PROM2: variants seen among roughly 807,000 people sequenced by gnomAD.
The protein encoded by PROM2 is prominin-2.
Under a neutral mutation model 110.2 loss-of-function variants are expected in PROM2, and 90 were observed. That is an observed-to-expected ratio of 0.82 (90% CI 0.69 to 0.97). PROM2 has a LOEUF of 0.97. Ranked by LOEUF, PROM2 falls within the 50% of genes least tolerant of loss-of-function variation. PROM2 has a pLI of 0.00. For synonymous variants in PROM2, 470 were observed against 467.8 expected (o/e 1.00, Z -0.06); for missense variants, 1,009 against 1,074.8 (o/e 0.94, Z 0.86).
Position 95,288,260 on chromosome 2 carries a change from A to G in PROM2, c.2294A>G (p.Asn765Ser). The G allele has an allele frequency of 6.2e-7, 1 of 1,614,066 alleles. No individual in the cohort carries two copies. Among genetic ancestry groups the G allele is most frequent in the Non-Finnish European group, 8.5e-7 (1 of 1,180,016 alleles). Residue 765 changes from asparagine to serine, a missense_variant, in exon 21 of 24, where the codon AAC (asparagine) becomes AGC (serine). Physicochemically the swap from Asn to Ser is conservative, Grantham distance 46. Coordinates refer to ENST00000317620, the MANE Select transcript of PROM2 (RefSeq NM_001165978.3). ...CAGCCCCTCTCCGGAGCCCTGGACA[A>G]CAGCCGTGTGATCCTGTGTGACATG... is the stretch of plus-strand genomic sequence containing the variant. ...TCQPLSGALD[N>S]SRVILCDMMA...
chr2:95,277,441 G>C lies in PROM2; in HGVS notation c.850G>C (p.Glu284Gln). Residue 284 changes from glutamate to glutamine, a missense_variant, in exon 7 of 24, where the codon GAG becomes CAG. Glu to Gln is a conservative substitution (Grantham distance 29, BLOSUM62 2). Coordinates refer to ENST00000317620, the MANE Select transcript of PROM2 (RefSeq NM_001165978.3). Reference sequence around the variant, plus strand: ...GCTGCAGGCCGGGCAGCAGGACCTGGAGCCAGCCATCCGGGAACACCGGGA... The same window carrying C: ...GCTGCAGGCCGGGCAGCAGGACCTGCAGCCAGCCATCCGGGAACACCGGGA... ...VELQAGQQDLEPAIREHRDRL... is the reference protein window; with the variant it reads ...VELQAGQQDLQPAIREHRDRL... The C allele has an allele frequency of 6.2e-7, 1 of 1,613,290 alleles. No individual in the cohort carries two copies. Among genetic ancestry groups the C allele is most frequent in the Non-Finnish European group, 8.5e-7 (1 of 1,179,920 alleles).
At chr2:95,281,421 A>G in intron 12 of PROM2, 56 bp downstream of exon 12, 2 of 1,209,968 alleles carry the variant, frequency 1.7e-6, no homozygotes, top group Non-Finnish European at 2.2e-6. Flanking sequence ...GGGCGGTATC[A>G]GCAGAGCAGG....
At chr2:95,286,032 T>G (rs1236515740) in intron 16 of PROM2, among the ~76,000 whole-genome samples, 7 of 152,250 alleles carry the variant, frequency 4.6e-5, no homozygotes, top group Non-Finnish European at 1.5e-5. Flanking sequence ...CAGGTGTTTC[T>G]GTGTGTGCCA....
rs138515767 is a variant in PROM2, at chr2:95,278,770, C to A, written c.1100C>A (p.Ser367Tyr). ...ALPALAAMQT[S>Y]SVVQELKKAV... ...CCAGCCCTGGCTGCCATGCAGACAT[C>A]CAGCGTGGTGCAAGGTTAGGCCACA... Residue 367 changes from serine (S) to tyrosine (Y), a missense_variant, in exon 9 of 24, where the codon TCC becomes TAC. Physicochemically the swap from Ser to Tyr is moderately radical, Grantham distance 144. Coordinates refer to ENST00000317620, the MANE Select transcript of PROM2 (RefSeq NM_001165978.3). 3.7e-6 allele frequency: 6 copies of A among 1,613,928 alleles called. No homozygotes were observed. Among genetic ancestry groups the A allele is most frequent in the African/African-American group, 1.3e-5 (1 of 74,922 alleles).
chr2:95,286,624 A>G, intron 17 of PROM2, 53 bp downstream of exon 17: 1 of 1,512,790 alleles, frequency 6.6e-7, no homozygotes, highest in Non-Finnish European at 9.2e-7. Context: ...AGACGTGGAG[A>G]GGGGACAGTG....
chr2:95,276,620 C>T lies in PROM2; in HGVS notation c.645C>T (p.Phe215=). ...PQELQAVAQQ[F]SLPQEQVSEE... ...AGCTGCAGGCCGTGGCACAGCAATT[C>T]TCCCTGCCCCAGGAGCAAGTCTCAG... is the stretch of plus-strand genomic sequence containing the variant. Residue 215 remains phenylalanine, a synonymous_variant, in exon 5 of 24, where the codon TTC becomes TTT. Coordinates refer to ENST00000317620, the MANE Select transcript of PROM2 (RefSeq NM_001165978.3). The surrounding 1 kb of genome is among the most constrained non-coding windows in gnomAD (Gnocchi z 4.6). 1.2e-6 allele frequency: 2 copies of T among 1,613,526 alleles called. No homozygotes were observed. Among genetic ancestry groups the T allele is most frequent in the Non-Finnish European group, 1.7e-6 (2 of 1,179,996 alleles).
In PROM2 at chr2:95,281,303, C is replaced by T. The variant is rs1677026562; in HGVS notation, c.1489C>T (p.Leu497=). The T allele has an allele frequency of 6.2e-7, 1 of 1,613,342 alleles. No individual in the cohort carries two copies. Among genetic ancestry groups the T allele is most frequent in the South Asian group, 1.1e-5 (1 of 91,062 alleles). ...PLILLVFATF[L]VGGNVQTLVC... ...CATCCTCCTGGTGTTCGCCACCTTC[C>T]TGGTGGGTGGCAACGTGCAGACGCT... The change falls in exon 12 of 24, where the codon CTG becomes TTG. Residue 497 remains leucine (L), a synonymous_variant. Transcript: ENST00000317620.
At position 95,275,801 on chromosome 2, in the gene PROM2, G is replaced by A; in HGVS notation, c.295-129G>A. 6.7e-7 allele frequency: 1 copy of A among 1,503,514 alleles called. No individual in the cohort carries two copies. Among genetic ancestry groups the A allele is most frequent in the Non-Finnish European group, 8.9e-7 (1 of 1,129,714 alleles). 93.1% of individuals were successfully genotyped at this position (1,503,514 alleles called of 1,614,324 possible). ...TAAGAATGCGGTCACCTCTGGGACG[G>A]GTTCCATGAGATGCAGGCCATGCCC... On this transcript the variant is annotated intron_variant, in intron 2 of 23. Transcript: ENST00000317620. This position sits in a 1 kb window ranked among gnomAD's most constrained non-coding sequence, Gnocchi z 4.4.
chr2:95,287,658 C>T (rs1297956775), intron 20 of PROM2, among the ~76,000 whole-genome samples, 194 bp downstream of exon 20: 1 of 152,194 alleles, frequency 6.6e-6, no homozygotes, highest in Non-Finnish European at 1.5e-5. Context: ...TCTGCTGCAG[C>T]GCTTCCCTGA....
chr2:95,284,237 G>C (rs1381404299), intron 14 of PROM2, among the ~76,000 whole-genome samples: 1 of 152,222 alleles, frequency 6.6e-6, no homozygotes, highest in African/African-American at 2.4e-5. Context: ...GCTCATGCCT[G>C]TAATCCCAGT....
At chr2:95,287,319 G>A in intron 19 of PROM2, 77 bp from the exon 20 acceptor site, 1 of 1,533,334 alleles carries the variant, frequency 6.5e-7, no homozygotes, top group Admixed American at 1.7e-5. Context: ...AAGTTGCCAG[G>A]CATGGGGGGT....
chr2:95,276,951 A>T lies in PROM2; in HGVS notation c.683-21A>T, dbSNP rs1486533922. On this transcript the variant is annotated intron_variant, in intron 5 of 23. Transcript: ENST00000317620. The surrounding 1 kb of genome is among the most constrained non-coding windows in gnomAD (Gnocchi z 4.6). ...CTCCACTCTTGGGGTCCCACCCTGC[A>T]GACTGCCCTGTGCTCTGCAGGTGTT... is the stretch of plus-strand genomic sequence containing the variant. The T allele has an allele frequency of 1.3e-6, 2 of 1,550,928 alleles. No homozygotes were observed. Among genetic ancestry groups the T allele is most frequent in the East Asian group, 4.9e-5 (2 of 40,914 alleles).
chr2:95,285,858 A>G, intron 16 of PROM2, 148 bp downstream of exon 16: 1 of 711,682 alleles, frequency 1.4e-6, no homozygotes, highest in Admixed American at 2.7e-5. Flanking sequence ...GCTGGGCTGG[A>G]GGGTTTTGCA....
intron 18 of PROM2, 35 bp from the exon 19 acceptor site, chr2:95,287,098 G>A: frequency 6.4e-7 from 1 of 1,574,024 alleles, no homozygotes; most frequent in Non-Finnish European, 8.7e-7. Flanking sequence ...ATGCGTGAAT[G>A]TGGGACACTG....
Position 95,276,998 on chromosome 2 carries a change from A to G in PROM2, c.709A>G (p.Ile237Val), listed in dbSNP as rs753205315. Residue 237 changes from isoleucine to valine, a missense_variant, in exon 6 of 24, where the codon ATC (isoleucine) becomes GTC (valine). Physicochemically the swap from Ile to Val is conservative, Grantham distance 29 (BLOSUM62 3). Transcript: ENST00000317620. This position sits in a 1 kb window ranked among gnomAD's most constrained non-coding sequence, Gnocchi z 4.6. ...TGTTGGTGTGAGCATTGGGAGCGCG[A>G]TCCACACTCAGCTCAGGAGCTCCGT... ...DGVGVSIGSA[I>V]HTQLRSSVYP... The G allele has an allele frequency of 3.2e-5, 49 of 1,552,754 alleles. No homozygotes were observed. The highest frequency in any genetic ancestry group is 3.0e-5 in the Non-Finnish European group (35 of 1,147,546).
In PROM2 at chr2:95,279,039, G is replaced by T; in HGVS notation, c.1169G>T (p.Gly390Val). The T allele has an allele frequency of 6.2e-7, 1 of 1,613,010 alleles. No individual in the cohort carries two copies. Among genetic ancestry groups the T allele is most frequent in the East Asian group, 2.2e-5 (1 of 44,856 alleles). The part of the protein sequence containing the change: ...QPEGVRTLAE[G>V]FPGLEAASRW... ...GAAGGGGTGAGGACACTGGCTGAAG[G>T]GTTCCCGGGCTTGGAGGCAGCTTCC... Residue 390 changes from glycine to valine, a missense_variant, in exon 10 of 24, where the codon GGG (glycine) becomes GTG (valine). Physicochemically the swap from Gly to Val is moderately radical, Grantham distance 109. Coordinates refer to ENST00000317620, the MANE Select transcript of PROM2 (RefSeq NM_001165978.3).
At chr2:95,284,383 C>G (rs770452843) in intron 14 of PROM2, among the ~76,000 whole-genome samples, 2 of 151,876 alleles carry the variant, frequency 1.3e-5, no homozygotes, top group African/African-American at 2.4e-5. Context: ...CCCAGCTACT[C>G]GAGAGGCTGA....
chr2:95,277,752 C>A, intron 7 of PROM2, 178 bp from the exon 8 acceptor site: 1 of 757,512 alleles, frequency 1.3e-6, no homozygotes, highest in South Asian at 1.8e-5. Flanking sequence ...ACGTGAACTT[C>A]ATGTGTGTGA....
chr2:95,275,374 C>A lies in PROM2; in HGVS notation c.245-87C>A. 1.5e-6 allele frequency: 2 copies of A among 1,331,346 alleles called. No individual in the cohort carries two copies. The highest frequency in any genetic ancestry group is 2.3e-5 in the East Asian group (1 of 42,722). 82.5% of individuals were successfully genotyped at this position (1,331,346 alleles called of 1,614,324 possible). ...TGGTGGCAGGAGCCCTGCCTCAGAG[C>A]CACTTTGCCCTGGCAGTGGGGAGAG... On this transcript the variant is annotated intron_variant, in intron 1 of 23. Transcript: ENST00000317620. This position sits in a 1 kb window ranked among gnomAD's most constrained non-coding sequence, Gnocchi z 4.4.
Sources: allele counts gnomAD v4.1 joint callset (sites outside exome capture counted in the v4.1 genomes callset), GRCh38; gene constraint gnomAD v4.1.1; non-coding constraint Gnocchi (gnomAD v3.1); transcripts MANE v1.5; gene names NCBI Gene and HGNC (gene_info 2026-07-23, HGNC 2026-07-21).